The following COL21A1 variants were observed in gnomAD, a reference collection of about 807,000 sequenced individuals.
COL21A1 encodes the protein collagen type XXI alpha 1 chain.
In COL21A1, 149 loss-of-function variants were observed where a neutral mutation model predicts 137.9. That is an observed-to-expected ratio of 1.08 (90% CI 0.95 to 1.24). The LOEUF (loss-of-function observed/expected upper bound fraction) is 1.24. COL21A1 is among the 50% of genes most tolerant of loss of function. The pLI is 0.00. For synonymous variants in COL21A1, 456 were observed against 391.5 expected, an observed-to-expected ratio of 1.16 and a Z score of -1.95; for missense variants, 1,167 against 1,158.4, an observed-to-expected ratio of 1.01 and a Z score of -0.11.
chr6:56,094,301 T>G (rs1769128824), intron 17 of COL21A1, among the ~76,000 whole-genome samples: 1 of 152,184 alleles, frequency 6.6e-6, no homozygotes, highest in Non-Finnish European at 1.5e-5. Context: ...GTGTCACTAT[T>G]CTTCCAGTTT....
chr6:56,087,314 A>T (rs550334169), intron 17 of COL21A1, among the ~76,000 whole-genome samples: 17 of 152,226 alleles, frequency 1.1e-4, no homozygotes, highest in Admixed American at 6.5e-4. Context: ...TATAGCATTG[A>T]CAACCTTTCC....
chr6:56,166,800 A>C, intron 7 of COL21A1, 106 bp downstream of exon 7: 1 of 867,950 alleles, frequency 1.2e-6, no homozygotes, highest in East Asian at 2.6e-5. Flanking sequence ...AAAAAATAAA[A>C]TTAAGTCTAC....
intron 1 of COL21A1, among the ~76,000 whole-genome samples, chr6:56,314,770 G>A (rs4348307): frequency 0.99 from 150,985 of 152,322 alleles, 74,841 homozygotes; most frequent in Middle Eastern, 1. Context: ...ATATTGTGAT[G>A]TTATGGTTCT....
At chr6:56,131,111 T>A (rs913006117) in intron 12 of COL21A1, among the ~76,000 whole-genome samples, 1 of 151,360 alleles carries the variant, frequency 6.6e-6, no homozygotes, top group African/African-American at 2.5e-5. Flanking sequence ...AATGTATATA[T>A]GTCATTGGCT....
At chr6:56,137,672 C>A (rs577726350) in intron 12 of COL21A1, among the ~76,000 whole-genome samples, 4 of 152,140 alleles carry the variant, frequency 2.6e-5, no homozygotes, top group African/African-American at 9.6e-5. Context: ...TTAGAACCAA[C>A]AAAATATAAA....
intron 1 of COL21A1, among the ~76,000 whole-genome samples, chr6:56,302,584 T>G (rs1046562251): frequency 6.6e-6 from 1 of 152,194 alleles, no homozygotes; most frequent in Non-Finnish European, 1.5e-5. Flanking sequence ...TTGTTTGTTT[T>G]TTTCTTGTAA....
chr6:56,098,654 T>TATAG (rs1293897193), intron 17 of COL21A1, among the ~76,000 whole-genome samples: 1 of 52,356 alleles, frequency 1.9e-5, no homozygotes, highest in African/African-American at 1.1e-4. Context: ...TATAAATATA[T>TATAG]AAATATATAT....
At chr6:56,077,659 A>T (rs905436114) in intron 17 of COL21A1, 86 bp from the exon 18 acceptor site, 50 of 732,510 alleles carry the variant, frequency 6.8e-5, no homozygotes, top group Admixed American at 1.1e-4. Flanking sequence ...TGGAATTTTA[A>T]CTGGTAAATA....
Position 56,182,561 on chromosome 6 carries a change from C to G in COL21A1, c.58G>C (p.Val20Leu). 6.2e-7 allele frequency: 1 copy of G among 1,605,062 alleles called. No homozygotes were observed. The highest frequency in any genetic ancestry group is 2.2e-5 in the East Asian group (1 of 44,704). ...CTTACTTCCCCATCTTCAGCTAACA[C>G]AGAATTCTGAAGAAGCAGCACCAAA... is the stretch of plus-strand genomic sequence containing the variant. ...MVLVLLLQNSVLAEDGEVRSS... is the reference protein window; with the variant it reads ...MVLVLLLQNSLLAEDGEVRSS... Residue 20 changes from valine to leucine, a missense_variant, in exon 2 of 30, where the codon GTG becomes CTG. Transcript: ENST00000244728.
At chr6:56,374,081 C>T (rs1387388306) in intron 1 of COL21A1, among the ~76,000 whole-genome samples, 2 of 152,154 alleles carry the variant, frequency 1.3e-5, no homozygotes, top group Non-Finnish European at 2.9e-5. Flanking sequence ...TTTTATTGAT[C>T]TCTTAAGGGT....
intron 1 of COL21A1, among the ~76,000 whole-genome samples, chr6:56,255,454 C>CT (rs1282827714): frequency 1.3e-5 from 2 of 151,476 alleles, no homozygotes; most frequent in Non-Finnish European, 2.9e-5. Flanking sequence ...ATATGCATGC[C>CT]TTTTTTATCA....
In COL21A1 at chr6:56,313,994, T is replaced by C. The variant is rs116501518; in HGVS notation, c.-39+79977A>G. 5.1e-3 allele frequency among the ~76,000 whole-genome samples: 780 copies of C among 152,250 alleles called. 3 individuals carry two copies. Among genetic ancestry groups the C allele is most frequent in the Non-Finnish European group, 8.5e-3 (575 of 68,026 alleles). On this transcript the variant is annotated intron_variant, in intron 1 of 28. Coordinates refer to the COL21A1 transcript ENST00000370819. The stretch of plus-strand genomic sequence containing the variant: ...CTCTGAAATCAATAAAGAAGGTATA[T>C]ATATAGAGAGAGACATAGTATCACT...
intron 1 of COL21A1, among the ~76,000 whole-genome samples, chr6:56,260,536 T>A (rs1470404858): frequency 7.5e-5 from 11 of 146,112 alleles, no homozygotes; most frequent in Non-Finnish European, 1.5e-4. Context: ...ACTGAGCATC[T>A]GCACTTCAGC....
At chr6:56,366,809 G>C (rs1006168828) in intron 1 of COL21A1, among the ~76,000 whole-genome samples, 1 of 152,188 alleles carries the variant, frequency 6.6e-6, no homozygotes, top group Non-Finnish European at 1.5e-5. Flanking sequence ...AACACTTTTA[G>C]CAACTATTGC....
At chr6:56,158,242 G>A (rs1485370967) in intron 9 of COL21A1, among the ~76,000 whole-genome samples, 7 of 137,894 alleles carry the variant, frequency 5.1e-5, no homozygotes, top group Admixed American at 2.9e-4. Context: ...TTCTTCACTC[G>A]TGGGTTTTTT....
chr6:56,339,228 C>G (rs1765410071), intron 1 of COL21A1, among the ~76,000 whole-genome samples: 1 of 152,120 alleles, frequency 6.6e-6, no homozygotes, highest in Non-Finnish European at 1.5e-5. Context: ...GCTATGGGAG[C>G]CTGTTTGGTG....
intron 1 of COL21A1, among the ~76,000 whole-genome samples, chr6:56,256,066 T>C (rs1782962928): frequency 6.6e-6 from 1 of 152,218 alleles, no homozygotes; most frequent in Admixed American, 6.5e-5. Flanking sequence ...TAAAGAAAAG[T>C]TAAGAAGATT....
At chr6:56,343,416 C>G (rs1466626761) in intron 1 of COL21A1, among the ~76,000 whole-genome samples, 1 of 152,152 alleles carries the variant, frequency 6.6e-6, no homozygotes, top group Non-Finnish European at 1.5e-5. Flanking sequence ...TATTGCCAAG[C>G]TTTTAAAAAA....
chr6:56,207,475 G>A (rs898627758), intron 1 of COL21A1, among the ~76,000 whole-genome samples: 12 of 152,104 alleles, frequency 7.9e-5, no homozygotes, highest in African/African-American at 2.9e-4. Flanking sequence ...ACCCTCTGAA[G>A]TCTAAACCAG....
Sources: allele counts gnomAD v4.1 joint callset (sites outside exome capture counted in the v4.1 genomes callset), GRCh38; gene constraint gnomAD v4.1.1; transcripts MANE v1.5; gene names NCBI Gene and HGNC (gene_info 2026-07-23, HGNC 2026-07-21).